The following NFATC2 variants were observed in gnomAD, a reference collection of about 807,000 sequenced individuals.
The protein encoded by NFATC2 is nuclear factor of activated T cells 2.
In NFATC2, 22 loss-of-function variants were observed where a neutral mutation model predicts 87.3. That is an observed-to-expected ratio of 0.25 (90% CI 0.18 to 0.36). NFATC2 has a LOEUF of 0.36. Ranked by LOEUF, NFATC2 falls within the 10% of genes least tolerant of loss-of-function variation. The pLI is 1.00. For synonymous variants in NFATC2, 565 were observed against 542.2 expected (o/e 1.04, Z -0.58); for missense variants, 1,149 against 1,259.1 (o/e 0.91, Z 1.32).
chr20:51,409,949 G>A (rs948691128), intron 9 of NFATC2, among the ~76,000 whole-genome samples: 10 of 152,166 alleles, frequency 6.6e-5, no homozygotes, highest in African/African-American at 7.2e-5. Context: ...AGTGGCTCAC[G>A]CCTGTAATCC....
At chr20:51,497,884 A>G (rs1340541352) in intron 3 of NFATC2, among the ~76,000 whole-genome samples, 1 of 152,200 alleles carries the variant, frequency 6.6e-6, no homozygotes, top group Non-Finnish European at 1.5e-5. Flanking sequence ...GCAAAGCTGC[A>G]GCCCCCGGGG....
chr20:51,448,406 C>T (rs1176795803), intron 6 of NFATC2, among the ~76,000 whole-genome samples: 2 of 152,086 alleles, frequency 1.3e-5, no homozygotes, highest in East Asian at 1.9e-4. Context: ...CTTTGGGAGG[C>T]CAAGGCAGGC....
chr20:51,544,080 T>C (rs951012308), upstream of NFATC2, among the ~76,000 whole-genome samples: 1 of 148,420 alleles, frequency 6.7e-6, no homozygotes, highest in Non-Finnish European at 1.5e-5. Flanking sequence ...CTCTGCCTTC[T>C]GGGTTCACGC....
At position 51,387,501 on chromosome 20, in the gene NFATC2, G is replaced by C. The variant is rs1985887080; in HGVS notation, c.*3995C>G. On this transcript the variant is annotated 3_prime_UTR_variant, in exon 11 of 11. Transcript: ENST00000371564. ...AGAAAAGTTTGTTTTTAAACAGACT[G>C]AGTTAAACAGTGATGTTGGCTGTAA... The C allele has an allele frequency of 6.6e-6, 1 of 152,232 alleles. No individual in the cohort carries two copies. The highest frequency in any genetic ancestry group is 2.4e-5 in the African/African-American group (1 of 41,456). 9.4% of individuals were successfully genotyped at this position (152,232 alleles called of 1,614,324 possible).
At chr20:51,485,555 A>G (rs933189977) in intron 3 of NFATC2, among the ~76,000 whole-genome samples, 6 of 151,618 alleles carry the variant, frequency 4.0e-5, no homozygotes, top group Non-Finnish European at 5.9e-5. Context: ...AAGAAGCCAT[A>G]CAAGTGCTTT....
intron 5 of NFATC2, among the ~76,000 whole-genome samples, chr20:51,460,356 C>G (rs2146455430): frequency 6.6e-6 from 1 of 152,252 alleles, no homozygotes; most frequent in South Asian, 2.1e-4. Flanking sequence ...GAGCCTCAGT[C>G]TCCCCATCTG....
At chr20:51,475,336 T>C in intron 4 of NFATC2, 122 bp downstream of exon 4, 1 of 903,706 alleles carries the variant, frequency 1.1e-6, no homozygotes, top group East Asian at 2.4e-5. Context: ...GATCACAGAC[T>C]GAGAACTGCC....
chr20:51,501,250 C>G (rs781096425), intron 3 of NFATC2, among the ~76,000 whole-genome samples: 15 of 152,196 alleles, frequency 9.9e-5, no homozygotes, highest in African/African-American at 3.4e-4. Context: ...TCATGATACA[C>G]ACAGCTGTTG....
At chr20:51,470,150 G>A (rs1263215335) in intron 5 of NFATC2, among the ~76,000 whole-genome samples, 4 of 152,130 alleles carry the variant, frequency 2.6e-5, no homozygotes, top group African/African-American at 7.2e-5. Context: ...TGGGGAAGAC[G>A]GGGGTGATCC....
At position 51,480,117 on chromosome 20, in the gene NFATC2, G is replaced by A. The variant is rs1014934701; in HGVS notation, c.1333-4457C>T. Among the ~76,000 whole-genome samples the A allele has an allele frequency of 6.6e-6, 1 of 151,820 alleles. No individual in the cohort carries two copies. The highest frequency in any genetic ancestry group is 2.4e-5 in the African/African-American group (1 of 41,270). The stretch of plus-strand genomic sequence containing the variant: ...AGCCCGGGCAACATGGTGAAACCCC[G>A]TCTCTGTGAAAAATACAAAAATTAG... On this transcript the variant is annotated intron_variant, in intron 3 of 10. Coordinates refer to ENST00000371564, the MANE Select transcript of NFATC2 (RefSeq NM_012340.5). The surrounding 1 kb of genome is among the most constrained non-coding windows in gnomAD (Gnocchi z 4.2).
chr20:51,559,931 T>A (rs1045503508), intron 1 of NFATC2, among the ~76,000 whole-genome samples: 1 of 152,244 alleles, frequency 6.6e-6, no homozygotes, highest in African/African-American at 2.4e-5. Flanking sequence ...TATTCCTTTT[T>A]GCAAATGAGA....
chr20:51,552,735 A>G (rs35919419), intron 1 of NFATC2, among the ~76,000 whole-genome samples: 17,867 of 152,228 alleles, frequency 0.12, 1,073 homozygotes, highest in East Asian at 0.15. Context: ...CAGGAGCTCC[A>G]CCAAGTCCAT....
intron 10 of NFATC2, among the ~76,000 whole-genome samples, chr20:51,395,158 CCCTATACAGTGCCAGGG>C (rs1413688975): frequency 2.6e-5 from 4 of 152,192 alleles, no homozygotes; most frequent in Non-Finnish European, 5.9e-5. Context: ...GTGTGCCAGG[CCCTATACAGTGCCAGGG>C]ACTATTATTT....
intron 9 of NFATC2, among the ~76,000 whole-genome samples, chr20:51,417,463 C>A (rs914528298): frequency 6.6e-6 from 1 of 152,178 alleles, no homozygotes; most frequent in African/African-American, 2.4e-5. Flanking sequence ...CTCTGCCCTA[C>A]GTGCTTGCTC....
intron 3 of NFATC2, among the ~76,000 whole-genome samples, chr20:51,500,312 T>A (rs73271890): frequency 0.023 from 3,522 of 152,116 alleles, 133 homozygotes; most frequent in African/African-American, 0.08. Context: ...AAAAAATTTT[T>A]AATAGAAAAA....
At chr20:51,474,849 C>G (rs764314140) in intron 4 of NFATC2, among the ~76,000 whole-genome samples, 8 of 152,122 alleles carry the variant, frequency 5.3e-5, no homozygotes, top group Non-Finnish European at 1.2e-4. Context: ...AATGATCTCT[C>G]TAGGTCAAAT....
At chr20:51,509,716 G>GA (rs1322976828) in intron 3 of NFATC2, among the ~76,000 whole-genome samples, 20 of 152,312 alleles carry the variant, frequency 1.3e-4, no homozygotes, top group East Asian at 9.7e-4. Context: ...ACCTGGAAAG[G>GA]AAAAAATCCC....
chr20:51,441,955 T>G (rs1984408097), intron 6 of NFATC2, among the ~76,000 whole-genome samples: 1 of 152,198 alleles, frequency 6.6e-6, no homozygotes, highest in Admixed American at 6.5e-5. Context: ...TTGCTTCATT[T>G]CATTGCATTG....
chr20:51,498,299 A>G (rs2076022811), intron 3 of NFATC2, among the ~76,000 whole-genome samples: 1 of 152,236 alleles, frequency 6.6e-6, no homozygotes, highest in Admixed American at 6.5e-5. Context: ...GCCTCAAAGC[A>G]GCAGCAACAA....
Sources: allele counts gnomAD v4.1 joint callset (sites outside exome capture counted in the v4.1 genomes callset), GRCh38; gene constraint gnomAD v4.1.1; non-coding constraint Gnocchi (gnomAD v3.1); transcripts MANE v1.5; gene names NCBI Gene and HGNC (gene_info 2026-07-23, HGNC 2026-07-21).